Variants in UVRAG observed in about 807,000 individuals in gnomAD.
The protein encoded by UVRAG is UV radiation resistance-associated gene protein.
In UVRAG, 19 loss-of-function variants were observed where a neutral mutation model predicts 78.0. The observed-to-expected ratio is 0.24, with a 90% CI of 0.17 to 0.36. UVRAG has a LOEUF of 0.36. Ranked by LOEUF, UVRAG falls within the 10% of genes least tolerant of loss-of-function variation. UVRAG has a pLI of 1.00. For synonymous variants in UVRAG, 323 were observed against 324.6 expected (o/e 1.00, Z 0.05); for missense variants, 740 against 853.8 (o/e 0.87, Z 1.66).
chr11:75,826,399 C>T (rs1945512674), intron 1 of UVRAG, among the ~76,000 whole-genome samples: 1 of 152,232 alleles, frequency 6.6e-6, no homozygotes, highest in Non-Finnish European at 1.5e-5. Context: ...TCGTGATCCA[C>T]CCGCCTCTGC....
chr11:75,819,276 TG>T (rs2135799420), intron 1 of UVRAG, among the ~76,000 whole-genome samples: 1 of 152,380 alleles, frequency 6.6e-6, no homozygotes, highest in South Asian at 2.1e-4. Flanking sequence ...TGTCTCCTTT[TG>T]CTTCTATGTG....
intron 5 of UVRAG, among the ~76,000 whole-genome samples, chr11:75,891,468 G>A (rs977827862): frequency 4.6e-5 from 7 of 152,126 alleles, no homozygotes; most frequent in African/African-American, 1.7e-4. Flanking sequence ...TAGCTAAAAT[G>A]TATTGAGCAT....
At chr11:76,039,728 A>C (rs545305908) in intron 12 of UVRAG, among the ~76,000 whole-genome samples, 5 of 152,244 alleles carry the variant, frequency 3.3e-5, no homozygotes, top group Admixed American at 1.3e-4. Context: ...CACAAAAATT[A>C]GCCGGATGTG....
intron 8 of UVRAG, 34 bp from the exon 9 acceptor site, chr11:76,003,971 A>G: frequency 4.4e-6 from 7 of 1,588,248 alleles, no homozygotes; most frequent in Non-Finnish European, 6.0e-6. Flanking sequence ...ATCCTATGTT[A>G]CATATGGAAT....
chr11:76,056,404 A>C (rs1452904086), intron 12 of UVRAG, among the ~76,000 whole-genome samples: 1 of 152,244 alleles, frequency 6.6e-6, no homozygotes, highest in Non-Finnish European at 1.5e-5. Context: ...GTGTATGTTT[A>C]GTTTTATAAG....
At chr11:76,133,666 C>T (rs1398093008) in intron 14 of UVRAG, among the ~76,000 whole-genome samples, 2 of 152,062 alleles carry the variant, frequency 1.3e-5, no homozygotes, top group East Asian at 1.9e-4. Flanking sequence ...ATTCTCTCTT[C>T]CTGAAGCTAA....
At chr11:75,942,869 C>T (rs1048615773) in intron 6 of UVRAG, among the ~76,000 whole-genome samples, 5 of 151,982 alleles carry the variant, frequency 3.3e-5, no homozygotes, top group African/African-American at 7.3e-5. Context: ...TCCTTTGTAT[C>T]CTTAGTTTAT....
At chr11:75,958,305 ACTT>A (rs1310518011) in intron 6 of UVRAG, among the ~76,000 whole-genome samples, 2 of 152,150 alleles carry the variant, frequency 1.3e-5, no homozygotes, top group Admixed American at 1.3e-4. Context: ...CCAGAGTAGA[ACTT>A]CTTTCAAAAT....
chr11:75,903,650 G>C (rs1590997953), intron 5 of UVRAG, among the ~76,000 whole-genome samples: 1 of 152,226 alleles, frequency 6.6e-6, no homozygotes, highest in East Asian at 1.9e-4. Flanking sequence ...TCTACCAGAT[G>C]GAATCTTTAC....
chr11:76,050,961 C>A (rs1272475172), intron 12 of UVRAG, among the ~76,000 whole-genome samples: 1 of 152,052 alleles, frequency 6.6e-6, no homozygotes, highest in African/African-American at 2.4e-5. Flanking sequence ...TTGCCTTTCT[C>A]CTCTTCTCAT....
intron 1 of UVRAG, among the ~76,000 whole-genome samples, chr11:75,849,411 A>G (rs1262352034): frequency 6.8e-6 from 1 of 146,734 alleles, no homozygotes; most frequent in Non-Finnish European, 1.5e-5. Context: ...GGAGAATGGC[A>G]TGAACCTGGG....
At chr11:76,079,091 T>C (rs968127406) in intron 13 of UVRAG, among the ~76,000 whole-genome samples, 1 of 152,220 alleles carries the variant, frequency 6.6e-6, no homozygotes, top group Non-Finnish European at 1.5e-5. Flanking sequence ...TCTTTACATC[T>C]CTGCTTCTTA....
At chr11:75,899,530 AAGATGGCAT>A (rs1441859478) in intron 5 of UVRAG, among the ~76,000 whole-genome samples, 1 of 152,166 alleles carries the variant, frequency 6.6e-6, no homozygotes, top group East Asian at 1.9e-4. Context: ...TGCCCCAAGC[AAGATGGCAT>A]AGGTGGTGAA....
chr11:75,828,495 T>C (rs1030225370), intron 1 of UVRAG, among the ~76,000 whole-genome samples: 1 of 149,036 alleles, frequency 6.7e-6, no homozygotes, highest in Non-Finnish European at 1.5e-5. Context: ...TAATGATTAA[T>C]TAATTTTCGG....
chr11:76,066,145 T>C (rs921823401), intron 13 of UVRAG, among the ~76,000 whole-genome samples: 1 of 152,184 alleles, frequency 6.6e-6, no homozygotes, highest in Non-Finnish European at 1.5e-5. Flanking sequence ...CAATTTGCAT[T>C]GTTGTTTATG....
chr11:75,834,440 G>A (rs763100658), intron 1 of UVRAG, among the ~76,000 whole-genome samples: 4 of 152,056 alleles, frequency 2.6e-5, no homozygotes, highest in African/African-American at 9.7e-5. Flanking sequence ...TCAAGGTGTC[G>A]TCTGATTTTT....
At chr11:75,887,745 C>T (rs1227042449) in intron 4 of UVRAG, among the ~76,000 whole-genome samples, 1 of 151,744 alleles carries the variant, frequency 6.6e-6, no homozygotes, top group Non-Finnish European at 1.5e-5. Context: ...CTGCGCCGGG[C>T]CCCAAGTTTT....
intron 5 of UVRAG, among the ~76,000 whole-genome samples, chr11:75,903,279 A>G (rs541731675): frequency 1.3e-5 from 2 of 152,280 alleles, no homozygotes; most frequent in African/African-American, 4.8e-5. Context: ...CCTTAAATGT[A>G]GCTCTGATTA....
chr11:75,945,196 G>C (rs941878390), intron 6 of UVRAG, among the ~76,000 whole-genome samples: 3 of 152,074 alleles, frequency 2.0e-5, no homozygotes, highest in Non-Finnish European at 4.4e-5. Context: ...AATTCCGTGG[G>C]TGTCTGTTGT....
Sources: allele counts gnomAD v4.1 joint callset (sites outside exome capture counted in the v4.1 genomes callset), GRCh38; gene constraint gnomAD v4.1.1; transcripts MANE v1.5; gene names NCBI Gene and HGNC (gene_info 2026-07-23, HGNC 2026-07-21).